The following CTNS variants were observed in gnomAD, a reference collection of about 807,000 sequenced individuals.
CTNS encodes the protein cystinosin.
A neutral mutation model predicts 43.7 loss-of-function variants in CTNS; 27 were observed. The observed-to-expected ratio is 0.62, with a 90% CI of 0.46 to 0.85. The LOEUF (loss-of-function observed/expected upper bound fraction) is 0.85, where lower values mean the gene tolerates loss of function less well. Among genes scored for constraint, CTNS ranks in the 40% least tolerant of loss-of-function variants. The pLI, the probability that CTNS is intolerant of heterozygous loss-of-function variation, is 0.00. For missense variants in CTNS, 457 were observed against 475.4 expected, an observed-to-expected ratio of 0.96 and a Z score of 0.36; for synonymous variants, 187 against 190.6, an observed-to-expected ratio of 0.98 and a Z score of 0.16.
intron 2 of CTNS, among the ~76,000 whole-genome samples, chr17:3,638,933 G>C (rs761284617): frequency 1.2e-4 from 18 of 152,192 alleles, no homozygotes; most frequent in Non-Finnish European, 2.2e-4. Context: ...CCCGGCCGGT[G>C]AGAAGGGTCT....
chr17:3,658,425 C>T (rs988344853), intron 10 of CTNS, among the ~76,000 whole-genome samples: 2 of 152,190 alleles, frequency 1.3e-5, no homozygotes, highest in African/African-American at 2.4e-5. Flanking sequence ...ATCAGGTGTG[C>T]GGGTGGTTCC....
chr17:3,655,607 G>T, intron 7 of CTNS: 1 of 444,170 alleles, frequency 2.3e-6, no homozygotes, highest in East Asian at 4.8e-5. Flanking sequence ...TAGTTTAGTG[G>T]AGAATGGGCG....
chr17:3,660,575 C>T lies in CTNS; in HGVS notation c.*206C>T, dbSNP rs367951710. On this transcript the variant is annotated 3_prime_UTR_variant, in exon 12 of 12. Coordinates refer to ENST00000046640, the MANE Select transcript of CTNS (RefSeq NM_004937.3). ...CCTCCTGGGCCTCCCCGGCCAGGCA[C>T]GTGGCACCGTCGCCTTGACACCGCC... is the stretch of plus-strand genomic sequence containing the variant. 9.3e-6 allele frequency: 15 copies of T among 1,613,188 alleles called. No individual in the cohort carries two copies. Among genetic ancestry groups the T allele is most frequent in the Admixed American group, 3.3e-5 (2 of 60,036 alleles).
intron 5 of CTNS, among the ~76,000 whole-genome samples, chr17:3,652,917 C>T (rs2076021019): frequency 6.6e-6 from 1 of 152,206 alleles, no homozygotes; most frequent in Non-Finnish European, 1.5e-5. Context: ...CCTGCCAAAG[C>T]CCCTGATTTC....
intron 4 of CTNS, among the ~76,000 whole-genome samples, chr17:3,647,904 CT>C (rs544541949): frequency 1.3e-5 from 2 of 152,326 alleles, no homozygotes; most frequent in Non-Finnish European, 2.9e-5. Context: ...CTGGTTGGCA[CT>C]TCTGAGGTTG....
At chr17:3,646,403 T>C (rs1004084285) in intron 3 of CTNS, among the ~76,000 whole-genome samples, 1 of 150,810 alleles carries the variant, frequency 6.6e-6, no homozygotes, top group African/African-American at 2.4e-5. Flanking sequence ...GTTCTCTGCC[T>C]CAGCCTCCAA....
chr17:3,662,528 C>G lies in CTNS; in HGVS notation c.*2159C>G, dbSNP rs1206791234. On this transcript the variant is annotated 3_prime_UTR_variant, in exon 12 of 12. Transcript: ENST00000046640. ...CCTTATAGGCAGGGAGTCTTATAGG[C>G]AGGGGTCTCTCCCAGGCACCTCTGG... Among the ~76,000 whole-genome samples the G allele has an allele frequency of 1.3e-5, 2 of 152,072 alleles. No homozygotes were observed. Among genetic ancestry groups the G allele is most frequent in the Non-Finnish European group, 2.9e-5 (2 of 68,014 alleles).
chr17:3,654,680 C>CAAA (rs560988939), intron 5 of CTNS, among the ~76,000 whole-genome samples: 3 of 82,496 alleles, frequency 3.6e-5, no homozygotes, highest in East Asian at 5.2e-4. Flanking sequence ...GACTCCGTCT[C>CAAA]AAAAAAAAAA....
rs2076285691 is a variant in CTNS at position 3,662,076 on chromosome 17, C to G, written c.*1707C>G. Reference sequence around the variant, plus strand: ...CTGTAATCCCAGCACTTTGGGAGGCCAAGGCAGATGGATCACCTGACATCA... The same window carrying G: ...CTGTAATCCCAGCACTTTGGGAGGCGAAGGCAGATGGATCACCTGACATCA... On this transcript the variant is annotated 3_prime_UTR_variant, in exon 12 of 12. Coordinates refer to ENST00000046640, the MANE Select transcript of CTNS (RefSeq NM_004937.3). Among the ~76,000 whole-genome samples, 2 of 152,094 alleles carry G rather than the reference C, an allele frequency of 1.3e-5. No homozygotes were observed. The highest frequency in any genetic ancestry group is 2.9e-5 in the Non-Finnish European group (2 of 68,008).
chr17:3,650,437 G>A, intron 5 of CTNS: 1 of 1,301,856 alleles, frequency 7.7e-7, no homozygotes, highest in Non-Finnish European at 1.0e-6. Context: ...AGCCATGACT[G>A]TACCACTGCC....
intron 5 of CTNS, among the ~76,000 whole-genome samples, chr17:3,652,422 T>C (rs1386945668): frequency 6.6e-6 from 1 of 152,026 alleles, no homozygotes; most frequent in Non-Finnish European, 1.5e-5. Flanking sequence ...TGAAACCCAG[T>C]CTCTACTAAA....
intron 5 of CTNS, 90 bp downstream of exon 5, chr17:3,649,021 C>T (rs978987235): frequency 9.0e-6 from 10 of 1,111,414 alleles, no homozygotes; most frequent in East Asian, 4.8e-5. Flanking sequence ...GTCTCCTAGG[C>T]GGCCCCTGTT....
At chr17:3,657,100 AAGGGAGG>A (rs1044500113) in intron 9 of CTNS, among the ~76,000 whole-genome samples, 5 of 151,040 alleles carry the variant, frequency 3.3e-5, no homozygotes, top group South Asian at 2.2e-4. Flanking sequence ...GAGGGCACAG[AAGGGAGG>A]AGGGAGGAGG....
rs747960379 is a variant in CTNS, at chr17:3,660,400, G to C, written c.*31G>C. The C allele has an allele frequency of 5.2e-5, 84 of 1,613,992 alleles. 2 individuals are homozygous for C. The South Asian group carries it at 9.1e-4, about 18-fold the overall frequency. On this transcript the variant is annotated 3_prime_UTR_variant, in exon 12 of 12. Coordinates refer to ENST00000046640, the MANE Select transcript of CTNS (RefSeq NM_004937.3). ...AGGGACCCAGTGTACCCAGCCTCTG[G>C]CCTCGTGCCCTGCTGGGGAAGGCCT...
intron 7 of CTNS, chr17:3,655,667 G>T: frequency 5.0e-6 from 2 of 403,982 alleles, no homozygotes; most frequent in East Asian, 1.1e-4. Context: ...GGGTCCATCC[G>T]ACCCTGGAGG....
At chr17:3,655,580 A>T in intron 7 of CTNS, 50 of 449,190 alleles carry the variant, frequency 1.1e-4, no homozygotes, top group East Asian at 2.4e-4. Flanking sequence ...GCAGGAAAAC[A>T]GGGAAAAGGG....
At position 3,656,510 on chromosome 17, in the gene CTNS, TC is replaced by T; in HGVS notation, c.486del (p.Phe162LeufsTer4). ...RKSVIGLSFD[F>X]VALNLTGFVA... is the part of the protein sequence containing the mutation. ...AGTGTCATTGGTCTGAGCTTCGACT[TC>T]GTGGCTCTGAACCTGACGGGCTTCG... On this transcript the variant is annotated frameshift_variant, in exon 8 of 12. Transcript: ENST00000046640. LOFTEE classifies it high-confidence loss of function. The T allele has an allele frequency of 6.2e-7, 1 of 1,602,626 alleles. No homozygotes were observed. The highest frequency in any genetic ancestry group is 1.1e-5 in the South Asian group (1 of 90,250).
chr17:3,660,564 C>T lies in CTNS; in HGVS notation c.*195C>T, dbSNP rs1243684985. 1 of 1,612,942 alleles carries T rather than the reference C, an allele frequency of 6.2e-7. No homozygotes were observed. Among genetic ancestry groups the T allele is most frequent in the Non-Finnish European group, 8.5e-7 (1 of 1,180,000 alleles). The stretch of plus-strand genomic sequence containing the variant: ...TCGTCCGGGCCCCTCCTGGGCCTCC[C>T]CGGCCAGGCACGTGGCACCGTCGCC... On this transcript the variant is annotated 3_prime_UTR_variant, in exon 12 of 12. Coordinates refer to ENST00000046640, the MANE Select transcript of CTNS (RefSeq NM_004937.3).
intron 5 of CTNS, among the ~76,000 whole-genome samples, chr17:3,651,314 T>C (rs1307170381): frequency 6.6e-6 from 1 of 152,116 alleles, no homozygotes; most frequent in Non-Finnish European, 1.5e-5. Flanking sequence ...AGGCTGGTCT[T>C]GAACTCCTGG....
Sources: allele counts gnomAD v4.1 joint callset (sites outside exome capture counted in the v4.1 genomes callset), GRCh38; gene constraint gnomAD v4.1.1; transcripts MANE v1.5; gene names NCBI Gene and HGNC (gene_info 2026-07-23, HGNC 2026-07-21).